Variants in SMC6 observed in about 807,000 individuals in gnomAD.
SMC6 encodes the protein structural maintenance of chromosomes 6.
SMC6 carries 79 observed loss-of-function variants against 142.2 expected under a neutral mutation model. The observed-to-expected ratio is 0.56, with a 90% CI of 0.46 to 0.67. The LOEUF is 0.67. Among genes scored for constraint, SMC6 ranks in the 30% least tolerant of loss-of-function variants. SMC6 has a pLI of 0.00. For synonymous variants in SMC6, 411 were observed against 412.4 expected, an observed-to-expected ratio of 1.00 and a Z score of 0.04; for missense variants, 1,072 against 1,284.0, an observed-to-expected ratio of 0.83 and a Z score of 2.52.
chr2:17,717,446 C>T (rs113654161), intron 12 of SMC6, among the ~76,000 whole-genome samples: 58 of 151,156 alleles, frequency 3.8e-4, no homozygotes, highest in Admixed American at 9.2e-4. Context: ...CCAAGGTGGG[C>T]GGATCACGAG....
Position 17,745,924 on chromosome 2 carries a change from T to C in SMC6, c.23A>G (p.Asn8Ser). MAKRKEE[N>S]FSSPKNAKRP... is the part of the protein sequence containing the mutation. The stretch of plus-strand genomic sequence containing the variant: ...TTTGGCATTTTTAGGAGAGGAAAAA[T>C]TTTCTTCCTTTCTTTTGGCCATCAG... Residue 8 changes from asparagine to serine, a missense_variant, in exon 3 of 28, where the codon AAT (asparagine) becomes AGT (serine). Asn to Ser is a conservative substitution (Grantham distance 46, BLOSUM62 1). Around this residue, in one of 3 missense-constraint regions of SMC6, gnomAD observed 994 missense variants for 1,153.2 expected, o/e 0.86. Coordinates refer to ENST00000448223, the MANE Select transcript of SMC6 (RefSeq NM_001142286.2). The C allele has an allele frequency of 6.2e-7, 1 of 1,609,338 alleles. No homozygotes were observed. The highest frequency in any genetic ancestry group is 8.5e-7 in the Non-Finnish European group (1 of 1,177,916).
chr2:17,709,807 G>T (rs994962489), intron 16 of SMC6, among the ~76,000 whole-genome samples: 3 of 152,162 alleles, frequency 2.0e-5, no homozygotes, highest in Non-Finnish European at 4.4e-5. Flanking sequence ...ACACTGGGCA[G>T]ATACCTGAGG....
chr2:17,745,112 T>C (rs1357616731), intron 3 of SMC6, among the ~76,000 whole-genome samples: 1 of 152,198 alleles, frequency 6.6e-6, no homozygotes, highest in African/African-American at 2.4e-5. Flanking sequence ...GAATTCTCCT[T>C]GCAAATATTT....
At chr2:17,709,888 T>C (rs1668737958) in intron 16 of SMC6, among the ~76,000 whole-genome samples, 1 of 152,044 alleles carries the variant, frequency 6.6e-6, no homozygotes, top group African/African-American at 2.4e-5. Context: ...GCAAAGACCC[T>C]AAAAGGTGTG....
chr2:17,698,459 T>A (rs1224203963), intron 21 of SMC6, among the ~76,000 whole-genome samples: 1 of 152,096 alleles, frequency 6.6e-6, no homozygotes, highest in Non-Finnish European at 1.5e-5. Flanking sequence ...GGACTGAACC[T>A]TTTGTCATTA....
chr2:17,680,703 G>T (rs756661355), intron 24 of SMC6: 5 of 152,226 alleles, frequency 3.3e-5, no homozygotes, highest in Admixed American at 6.5e-5. Flanking sequence ...CTTCTGAGCC[G>T]TAGGACTCAA....
At chr2:17,670,697 A>C in intron 25 of SMC6, 122 bp from the exon 26 acceptor site, 2 of 1,023,794 alleles carry the variant, frequency 2.0e-6, no homozygotes, top group South Asian at 2.1e-5. Flanking sequence ...AAAATGACTT[A>C]GTGATTTGGA....
In SMC6 at chr2:17,751,928, CAG is replaced by C. The variant is rs1451377356; in HGVS notation, c.-6+1048_-6+1049del. Reference sequence around the variant, plus strand: ...TAGGTAGGTTTTACATAAAATTCTACAGATTCAGTAAAATACACTCAGTAAAA... The same window carrying C: ...TAGGTAGGTTTTACATAAAATTCTACATTCAGTAAAATACACTCAGTAAAA... On this transcript the variant is annotated intron_variant, in intron 2 of 27. Transcript: ENST00000448223. Among the ~76,000 whole-genome samples the C allele has an allele frequency of 1.2e-4, 18 of 152,192 alleles. 1 individual carries two copies. Among genetic ancestry groups the C allele is most frequent in the Non-Finnish European group, 2.9e-5 (2 of 68,032 alleles).
intron 26 of SMC6, among the ~76,000 whole-genome samples, chr2:17,668,497 TA>T (rs1021618857): frequency 4.6e-5 from 7 of 152,166 alleles, no homozygotes; most frequent in African/African-American, 1.4e-4. Context: ...GATTCAGATA[TA>T]AAAATGGGCA....
At chr2:17,688,663 C>A (rs1667568403) in intron 23 of SMC6, among the ~76,000 whole-genome samples, 1 of 152,088 alleles carries the variant, frequency 6.6e-6, no homozygotes, top group Non-Finnish European at 1.5e-5. Flanking sequence ...AGAAACATTT[C>A]CAAATCAAGT....
chr2:17,665,811 C>G (rs1666470339), intron 27 of SMC6, among the ~76,000 whole-genome samples, 198 bp from the exon 28 acceptor site: 1 of 152,076 alleles, frequency 6.6e-6, no homozygotes, highest in Non-Finnish European at 1.5e-5. Context: ...TTAATTCCTG[C>G]TAGATCCCAT....
intron 2 of SMC6, chr2:17,746,448 C>T (rs577207597): frequency 6.6e-6 from 1 of 152,318 alleles, no homozygotes; most frequent in East Asian, 1.9e-4. Flanking sequence ...GGCATGGTGA[C>T]TCCTGAAATT....
Position 17,687,028 on chromosome 2 carries a change from T to C in SMC6, c.2679-3265A>G, listed in dbSNP as rs140066504. On this transcript the variant is annotated intron_variant, in intron 23 of 27. Transcript: ENST00000448223. ...CCAAGATATCTCATCTATATGCCAA[T>C]ATTCCAAAATCCAAAATACTTCTGG... Among the ~76,000 whole-genome samples, 424 of 152,336 alleles carry C rather than the reference T, an allele frequency of 2.8e-3. 4 individuals are homozygous for C. Among genetic ancestry groups the C allele is most frequent in the African/African-American group, 9.4e-3 (391 of 41,586 alleles).
At chr2:17,704,393 T>G (rs1668407367) in intron 18 of SMC6, among the ~76,000 whole-genome samples, 1 of 152,182 alleles carries the variant, frequency 6.6e-6, no homozygotes, top group African/African-American at 2.4e-5. Flanking sequence ...AATAAGAAGA[T>G]ATGGAGAATA....
chr2:17,696,345 A>G lies in SMC6; in HGVS notation c.2476T>C (p.Leu826=), dbSNP rs1364126539. The G allele has an allele frequency of 3.1e-6, 5 of 1,610,170 alleles. No individual in the cohort carries two copies. The highest frequency in any genetic ancestry group is 3.4e-6 in the Non-Finnish European group (4 of 1,179,198). Residue 826 remains leucine (L), a synonymous_variant, in exon 22 of 28, where the codon TTG becomes CTG. Transcript: ENST00000448223. ...CGTTTCTTTTTATTTAAGGTATCCA[A>G]GTGTTCTTTTTGTTTTTCTTCATAA... is the stretch of plus-strand genomic sequence containing the variant. ...RHYEEKQKEH[L]DTLNKKKREL...
chr2:17,670,479 G>T lies in SMC6; in HGVS notation c.3007C>A (p.Leu1003Met). The change falls in exon 26 of 28, where the codon CTG becomes ATG. Residue 1003 changes from leucine (L) to methionine (M), a missense_variant. Leu to Met is a conservative substitution (Grantham distance 15). Coordinates refer to ENST00000448223, the MANE Select transcript of SMC6 (RefSeq NM_001142286.2). ...SFSTVCFILSLWSIAESPFRC... is the reference protein window; with the variant it reads ...SFSTVCFILSMWSIAESPFRC... ...AAAGGAGATTCTGCGATGGACCACAGGGAAAGAATAAAACACACTGTGGAG... is the reference window on the plus strand; with the variant it reads ...AAAGGAGATTCTGCGATGGACCACATGGAAAGAATAAAACACACTGTGGAG... The T allele has an allele frequency of 6.2e-7, 1 of 1,613,574 alleles. No homozygotes were observed. Among genetic ancestry groups the T allele is most frequent in the Non-Finnish European group, 8.5e-7 (1 of 1,179,790 alleles).
intron 7 of SMC6, 151 bp downstream of exon 7, chr2:17,730,927 T>C (rs1669887434): frequency 6.1e-6 from 4 of 660,618 alleles, no homozygotes; most frequent in Non-Finnish European, 1.1e-5. Flanking sequence ...TTAGTAAATT[T>C]TAAACAACTT....
chr2:17,718,450 A>G (rs543680520), intron 11 of SMC6, among the ~76,000 whole-genome samples: 9 of 152,376 alleles, frequency 5.9e-5, no homozygotes, highest in Non-Finnish European at 8.8e-5. Flanking sequence ...AGACATGATA[A>G]CAAATGTCCT....
chr2:17,738,292 G>T lies in SMC6; in HGVS notation c.273C>A (p.Val91=). Residue 91 remains valine (V), a synonymous_variant, in exon 5 of 28, where the codon GTC becomes GTA. Transcript: ENST00000448223. ...TAGCAACTGCTCTTCCACCAAGACC[G>T]ACTATGAGAGCTGTGAGTACTGCAC... ...GKSAVLTALI[V]GLGGRAVATN... is the part of the protein sequence containing the mutation. 1.9e-6 allele frequency: 3 copies of T among 1,613,220 alleles called. No homozygotes were observed. Among genetic ancestry groups the T allele is most frequent in the Non-Finnish European group, 2.5e-6 (3 of 1,179,778 alleles).
Sources: allele counts gnomAD v4.1 joint callset (sites outside exome capture counted in the v4.1 genomes callset), GRCh38; gene constraint gnomAD v4.1.1; regional missense constraint gnomAD v4.1.1; transcripts MANE v1.5; gene names NCBI Gene and HGNC (gene_info 2026-07-23, HGNC 2026-07-21).